The following PDE6A variants were observed in gnomAD, a reference collection of about 807,000 sequenced individuals.
PDE6A encodes the protein rod cGMP-specific 3',5'-cyclic phosphodiesterase subunit alpha.
A neutral mutation model predicts 106.3 loss-of-function variants in PDE6A; 84 were observed. The observed-to-expected ratio is 0.79, with a 90% CI of 0.66 to 0.95. The LOEUF is 0.95. Among genes scored for constraint, PDE6A ranks in the 40% least tolerant of loss-of-function variants. The pLI, the probability that PDE6A is intolerant of heterozygous loss-of-function variation, is 0.00. For missense variants in PDE6A, 1,052 were observed against 1,084.9 expected (o/e 0.97, Z 0.43); for synonymous variants, 394 against 386.6 (o/e 1.02, Z -0.23).
At chr5:149,920,938 G>GAGAAAAAGAA (rs1753685865) in intron 5 of PDE6A, among the ~76,000 whole-genome samples, 3 of 69,706 alleles carry the variant, frequency 4.3e-5, no homozygotes, top group Admixed American at 3.0e-4. Flanking sequence ...GAGAGAAAGA[G>GAGAAAAAGAA]AGAAAAAGAA....
intron 17 of PDE6A, among the ~76,000 whole-genome samples, chr5:149,873,470 T>A (rs1760630460): frequency 6.6e-6 from 1 of 152,070 alleles, no homozygotes; most frequent in African/African-American, 2.4e-5. Context: ...TAGCTGAGAT[T>A]ACAGGTGTGC....
rs372808484 is a variant in PDE6A, at chr5:149,883,414, C to G, written c.2135+15G>C. On this transcript the variant is annotated intron_variant, in intron 17 of 21. Transcript: ENST00000255266. The stretch of plus-strand genomic sequence containing the variant: ...AAGCCTAAGAGGATCAGGTTTTAAC[C>G]CCATCCCAACTCACATAACGATTTC... 5 of 1,563,600 alleles carry G rather than the reference C, an allele frequency of 3.2e-6. No homozygotes were observed. Among genetic ancestry groups the G allele is most frequent in the Non-Finnish European group, 4.4e-6 (5 of 1,133,998 alleles).
rs144902252 is a variant in PDE6A at position 149,892,365 on chromosome 5, A to G, written c.1728+2818T>C. On this transcript the variant is annotated intron_variant, in intron 13 of 21. Transcript: ENST00000255266. ...TTTCCCTTGTGAGGAATTCTTGAGA[A>G]AATCTCCAGAGACTTTTCTGGAAGC... is the stretch of plus-strand genomic sequence containing the variant. 6.8e-3 allele frequency among the ~76,000 whole-genome samples: 1,034 copies of G among 152,266 alleles called. 14 individuals carry two copies. Among genetic ancestry groups the G allele is most frequent in the African/African-American group, 0.024 (994 of 41,558 alleles).
intron 1 of PDE6A, among the ~76,000 whole-genome samples, chr5:149,938,886 C>T (rs1030696717): frequency 2.0e-5 from 3 of 152,140 alleles, no homozygotes; most frequent in South Asian, 2.1e-4. Flanking sequence ...TTTGTGATTT[C>T]GCATTTCAAC....
At chr5:149,899,607 C>A in intron 8 of PDE6A, 83 bp from the exon 9 acceptor site, 3 of 1,385,080 alleles carry the variant, frequency 2.2e-6, no homozygotes, top group Non-Finnish European at 2.1e-6. Flanking sequence ...ACATCATGAC[C>A]CTGATTGGCT....
At chr5:149,919,533 G>T (rs1325975707) in intron 5 of PDE6A, among the ~76,000 whole-genome samples, 2 of 151,992 alleles carry the variant, frequency 1.3e-5, no homozygotes, top group East Asian at 1.9e-4. Context: ...CATTTTTTTT[G>T]GAATCCCACA....
In PDE6A at chr5:149,910,836, A is replaced by ACAAAAGCTAAT. The variant is rs144584905; in HGVS notation, c.999-3469_999-3459dup. Among the ~76,000 whole-genome samples, 794 of 151,674 alleles carry ACAAAAGCTAAT rather than the reference A, an allele frequency of 5.2e-3. 9 individuals carry two copies. The highest frequency in any genetic ancestry group is 0.018 in the African/African-American group (741 of 41,292). ...CTGACCTTCTGAGAAATCAGGAGAA[A>ACAAAAGCTAAT]CAAAAGCTAATTTTCCAAACAAGCC... On this transcript the variant is annotated intron_variant, in intron 6 of 21. Transcript: ENST00000255266.
Position 149,886,383 on chromosome 5 carries a change from G to A in PDE6A, c.1729-9C>T, listed in dbSNP as rs773030606. ...CGCTTCAGCTTTCCCGTCTGGAAGG[G>A]CAATCAGAGTGCAAATCATTCCTTT... On this transcript the variant is annotated splice_polypyrimidine_tract_variant and intron_variant, in intron 13 of 21. Coordinates refer to ENST00000255266, the MANE Select transcript of PDE6A (RefSeq NM_000440.3). The A allele has an allele frequency of 2.5e-5, 40 of 1,603,362 alleles. No individual in the cohort carries two copies. Among genetic ancestry groups the A allele is most frequent in the Non-Finnish European group, 3.3e-5 (39 of 1,170,226 alleles).
At chr5:149,879,315 G>T (rs903100814) in intron 17 of PDE6A, among the ~76,000 whole-genome samples, 1 of 151,952 alleles carries the variant, frequency 6.6e-6, no homozygotes, top group South Asian at 2.1e-4. Context: ...CAGGTGATCC[G>T]CCTGCCTCAG....
chr5:149,920,504 C>T (rs973333096), intron 5 of PDE6A, among the ~76,000 whole-genome samples: 2 of 152,108 alleles, frequency 1.3e-5, no homozygotes, highest in Non-Finnish European at 2.9e-5. Context: ...TCACTTGAAT[C>T]GGGAGGCAGA....
At chr5:149,905,555 C>A (rs1294059056) in intron 7 of PDE6A, among the ~76,000 whole-genome samples, 1 of 152,198 alleles carries the variant, frequency 6.6e-6, no homozygotes, top group Non-Finnish European at 1.5e-5. Flanking sequence ...CTTCCCCATT[C>A]TCTGCCTACA....
At chr5:149,890,947 A>C (rs1431721918) in intron 13 of PDE6A, among the ~76,000 whole-genome samples, 2 of 152,220 alleles carry the variant, frequency 1.3e-5, no homozygotes, top group Non-Finnish European at 2.9e-5. Flanking sequence ...ACCTATGATA[A>C]CCTATTTAAT....
chr5:149,871,455 G>GT (rs1241564353), intron 17 of PDE6A, among the ~76,000 whole-genome samples: 4 of 152,122 alleles, frequency 2.6e-5, no homozygotes, highest in Non-Finnish European at 4.4e-5. Context: ...CCCTGAGAGA[G>GT]TGCCTCTGGA....
chr5:149,877,516 T>G (rs978152530), intron 17 of PDE6A, among the ~76,000 whole-genome samples: 2 of 152,072 alleles, frequency 1.3e-5, no homozygotes, highest in African/African-American at 4.8e-5. Flanking sequence ...TTCAAGCAAT[T>G]CTCCTGCCTC....
intron 7 of PDE6A, among the ~76,000 whole-genome samples, chr5:149,905,619 T>C (rs1286150377): frequency 6.6e-6 from 1 of 152,202 alleles, no homozygotes; most frequent in Non-Finnish European, 1.5e-5. Context: ...CCTGACCCAT[T>C]ATCCCCTTCT....
intron 17 of PDE6A, among the ~76,000 whole-genome samples, chr5:149,870,491 GCTTA>G (rs1313471784): frequency 1.3e-5 from 2 of 152,150 alleles, no homozygotes; most frequent in African/African-American, 2.4e-5. Context: ...GGCACTGGAT[GCTTA>G]CTTTCTTTAG....
At chr5:149,883,063 A>G (rs1760988085) in intron 17 of PDE6A, among the ~76,000 whole-genome samples, 3 of 152,202 alleles carry the variant, frequency 2.0e-5, no homozygotes, top group Admixed American at 2.0e-4. Flanking sequence ...GTCTCAAAAC[A>G]AAAAACAAAA....
intron 6 of PDE6A, among the ~76,000 whole-genome samples, chr5:149,912,035 T>C (rs1262728433): frequency 6.6e-6 from 1 of 152,082 alleles, no homozygotes; most frequent in African/African-American, 2.4e-5. Flanking sequence ...ATAATTGATA[T>C]ATTTGAATTC....
chr5:149,906,124 T>C (rs547445293), intron 7 of PDE6A, among the ~76,000 whole-genome samples: 1 of 151,998 alleles, frequency 6.6e-6, no homozygotes, highest in African/African-American at 2.4e-5. Context: ...TCCCTAAGTG[T>C]TGGGATTACA....
Sources: gnomAD v4.1 joint callset for allele counts (sites outside exome capture counted in the v4.1 genomes callset) on GRCh38, gnomAD v4.1.1 for gene constraint, MANE v1.5 for transcripts, NCBI Gene and HGNC (gene_info 2026-07-23, HGNC 2026-07-21) for gene names.